TMEM132D: variants seen among roughly 807,000 people sequenced by gnomAD.
TMEM132D encodes transmembrane protein 132D, also known as mature OL transmembrane protein.
Under a neutral mutation model 62.3 loss-of-function variants are expected in TMEM132D, and 21 were observed. The observed-to-expected ratio is 0.34, with a 90% confidence interval of 0.24 to 0.49. The LOEUF is 0.49. Ranked by LOEUF, TMEM132D falls within the 20% of genes least tolerant of loss-of-function variation. TMEM132D has a pLI of 0.99. For missense variants in TMEM132D, 1,346 were observed against 1,402.8 expected, an observed-to-expected ratio of 0.96 and a Z score of 0.65; for synonymous variants, 621 against 575.6, an observed-to-expected ratio of 1.08 and a Z score of -1.13.
chr12:129,584,879 ATCTC>A (rs1178210779), intron 2 of TMEM132D, among the ~76,000 whole-genome samples: 1 of 152,142 alleles, frequency 6.6e-6, no homozygotes, highest in Non-Finnish European at 1.5e-5. Flanking sequence ...AGAGAGGGGA[ATCTC>A]TCTCATGTGG....
chr12:129,513,201 A>G (rs1875545502), intron 3 of TMEM132D, among the ~76,000 whole-genome samples: 1 of 152,170 alleles, frequency 6.6e-6, no homozygotes, highest in African/African-American at 2.4e-5. Flanking sequence ...AGAAGGTCAA[A>G]AAGGGAGCAT....
At chr12:129,564,771 T>C (rs1877322520) in intron 2 of TMEM132D, among the ~76,000 whole-genome samples, 1 of 152,214 alleles carries the variant, frequency 6.6e-6, no homozygotes, top group African/African-American at 2.4e-5. Context: ...AACCAAGATG[T>C]TTTTCACATT....
chr12:129,414,185 G>A (rs1005694058), intron 3 of TMEM132D, among the ~76,000 whole-genome samples: 4 of 152,088 alleles, frequency 2.6e-5, no homozygotes, highest in African/African-American at 4.8e-5. Context: ...AGCACTTATT[G>A]GCAATTTTAA....
At chr12:129,102,506 GCACGCACA>G (rs1056173340) in intron 5 of TMEM132D, among the ~76,000 whole-genome samples, 11 of 150,448 alleles carry the variant, frequency 7.3e-5, no homozygotes, top group Admixed American at 1.3e-4. Flanking sequence ...ACTTGCATAT[GCACGCACA>G]CACGCACACA....
At chr12:129,789,279 A>G (rs781557713) in intron 1 of TMEM132D, among the ~76,000 whole-genome samples, 13 of 151,892 alleles carry the variant, frequency 8.6e-5, no homozygotes, top group Non-Finnish European at 1.3e-4. Context: ...TTAAGTCCTC[A>G]CAGCTTAGCT....
chr12:129,872,942 A>G (rs529141134), intron 1 of TMEM132D, among the ~76,000 whole-genome samples: 1 of 152,326 alleles, frequency 6.6e-6, no homozygotes, highest in Non-Finnish European at 1.5e-5. Context: ...GCCTCTCAAT[A>G]AAAAGCAAAA....
chr12:129,166,885 T>C (rs1877578076), intron 5 of TMEM132D, among the ~76,000 whole-genome samples: 1 of 151,976 alleles, frequency 6.6e-6, no homozygotes. Context: ...CACCAGTTGC[T>C]GGGCGCAGTG....
intron 2 of TMEM132D, among the ~76,000 whole-genome samples, chr12:129,696,866 G>A (rs150836228): frequency 7.2e-5 from 11 of 152,330 alleles, no homozygotes; most frequent in East Asian, 3.9e-4. Context: ...GAAAGAAAGC[G>A]TTTTGCTTTT....
At position 129,869,622 on chromosome 12, in the gene TMEM132D, C is replaced by T. The variant is rs147122329; in HGVS notation, c.79+33639G>A. 3.0e-4 allele frequency among the ~76,000 whole-genome samples: 45 copies of T among 152,268 alleles called. No homozygotes were observed. In the East Asian group the frequency reaches 3.3e-3, roughly 11 times the overall value. On this transcript the variant is annotated intron_variant, in intron 1 of 8. Transcript: ENST00000422113. The stretch of plus-strand genomic sequence containing the variant: ...GTTGACTCTGCAGATGCAGAACCCA[C>T]GAATACAGAGCACTGTCTGGAAAGT...
At position 129,072,436 on chromosome 12, in the gene TMEM132D, C is replaced by G. The variant is rs1316376840; in HGVS notation, c.*1439G>C. ...GGAATTCTCTGATGTATCCTTGCCCCCATCTTCATAGGCTTCATAAGTGAA... is the reference window on the plus strand; with the variant it reads ...GGAATTCTCTGATGTATCCTTGCCCGCATCTTCATAGGCTTCATAAGTGAA... On this transcript the variant is annotated 3_prime_UTR_variant, in exon 9 of 9. Coordinates refer to ENST00000422113, the MANE Select transcript of TMEM132D (RefSeq NM_133448.3). 2 of 152,378 alleles carry G rather than the reference C, an allele frequency of 1.3e-5. No individual in the cohort carries two copies. The highest frequency in any genetic ancestry group is 2.9e-5 in the Non-Finnish European group (2 of 68,086). 9.4% of individuals were successfully genotyped at this position (152,378 alleles called of 1,614,324 possible).
intron 1 of TMEM132D, among the ~76,000 whole-genome samples, chr12:129,851,543 A>C (rs577709174): frequency 6.6e-6 from 1 of 152,338 alleles, no homozygotes; most frequent in African/African-American, 2.4e-5. Flanking sequence ...TTACTGCAGC[A>C]TGATTTGTAA....
At chr12:129,155,990 T>C (rs535990986) in intron 5 of TMEM132D, among the ~76,000 whole-genome samples, 1 of 151,512 alleles carries the variant, frequency 6.6e-6, no homozygotes, top group South Asian at 2.1e-4. Context: ...CCAAGATAAG[T>C]AGCCCACTCC....
intron 3 of TMEM132D, among the ~76,000 whole-genome samples, chr12:129,430,095 C>G (rs748817186): frequency 6.6e-5 from 10 of 152,090 alleles, no homozygotes; most frequent in Non-Finnish European, 8.8e-5. Flanking sequence ...TGGGTATATA[C>G]CCAGTAATGG....
intron 3 of TMEM132D, among the ~76,000 whole-genome samples, chr12:129,514,500 G>T (rs1442328697): frequency 6.6e-6 from 1 of 152,078 alleles, no homozygotes; most frequent in African/African-American, 2.4e-5. Flanking sequence ...AGAGCACAGG[G>T]GATTCTTAGA....
intron 3 of TMEM132D, among the ~76,000 whole-genome samples, chr12:129,386,808 G>A (rs112599290): frequency 1.5e-5 from 2 of 133,702 alleles, no homozygotes; most frequent in East Asian, 4.5e-4. Flanking sequence ...ATACTAACAC[G>A]AACACCAATG....
intron 2 of TMEM132D, among the ~76,000 whole-genome samples, chr12:129,537,947 T>G (rs1876450015): frequency 6.6e-6 from 1 of 151,148 alleles, no homozygotes; most frequent in Non-Finnish European, 1.5e-5. Flanking sequence ...AACTCAAAAC[T>G]GCAGAGTCCT....
At chr12:129,287,845 C>T (rs1881345169) in intron 4 of TMEM132D, among the ~76,000 whole-genome samples, 8 of 152,192 alleles carry the variant, frequency 5.3e-5, no homozygotes, top group Admixed American at 5.2e-4. Flanking sequence ...TATCAAAAAA[C>T]AGTTCACTGT....
intron 2 of TMEM132D, among the ~76,000 whole-genome samples, chr12:129,634,310 GT>G (rs1264707255): frequency 8.0e-6 from 1 of 124,954 alleles, no homozygotes; most frequent in South Asian, 2.7e-4. Flanking sequence ...CTGTCTATAC[GT>G]TAAAAAAAAA....
intron 5 of TMEM132D, among the ~76,000 whole-genome samples, chr12:129,161,490 G>T (rs1370240228): frequency 1.3e-5 from 2 of 152,212 alleles, no homozygotes; most frequent in African/African-American, 4.8e-5. Flanking sequence ...CAGCCGTGGG[G>T]AGATGGTGCA....
Sources: allele counts gnomAD v4.1 joint callset (sites outside exome capture counted in the v4.1 genomes callset), GRCh38; gene constraint gnomAD v4.1.1; transcripts MANE v1.5; gene names NCBI Gene and HGNC (gene_info 2026-07-23, HGNC 2026-07-21).